ADGRL2: variants seen among roughly 807,000 people sequenced by gnomAD.
The protein encoded by ADGRL2 is adhesion G protein-coupled receptor L2, also known as calcium-independent alpha-latrotoxin receptor 2.
ADGRL2 carries 44 observed loss-of-function variants against 157.4 expected under a neutral mutation model. The observed-to-expected ratio is 0.28, with a 90% CI of 0.22 to 0.36. The LOEUF (loss-of-function observed/expected upper bound fraction) is 0.36, where lower values mean the gene tolerates loss of function less well. Ranked by LOEUF, ADGRL2 falls within the 10% of genes least tolerant of loss-of-function variation. ADGRL2 has a pLI of 1.00. For synonymous variants in ADGRL2, 585 were observed against 624.7 expected (o/e 0.94, Z 0.95); for missense variants, 1,510 against 1,768.9 (o/e 0.85, Z 2.63).
intron 11 of ADGRL2, among the ~76,000 whole-genome samples, chr1:81,959,076 AT>A (rs1654512627): frequency 6.6e-6 from 1 of 152,006 alleles, no homozygotes; most frequent in East Asian, 1.9e-4. Flanking sequence ...TTTGGCTGCC[AT>A]TTTTGGCTGC....
At chr1:81,475,202 T>C (rs1260114116) in intron 2 of ADGRL2, among the ~76,000 whole-genome samples, 1 of 152,146 alleles carries the variant, frequency 6.6e-6, no homozygotes, top group Non-Finnish European at 1.5e-5. Flanking sequence ...ATCTAAACAC[T>C]TTCTGAAAAT....
At chr1:81,435,385 C>T (rs917208210) in intron 1 of ADGRL2, among the ~76,000 whole-genome samples, 1 of 152,140 alleles carries the variant, frequency 6.6e-6, no homozygotes, top group Non-Finnish European at 1.5e-5. Context: ...AGGGGAATTC[C>T]CCCACCTCCA....
intron 2 of ADGRL2, among the ~76,000 whole-genome samples, chr1:81,537,993 C>T (rs993286263): frequency 2.0e-5 from 3 of 152,290 alleles, no homozygotes; most frequent in Admixed American, 1.3e-4. Flanking sequence ...AGCCACCATG[C>T]CCGGCCGTGT....
intron 1 of ADGRL2, among the ~76,000 whole-genome samples, chr1:81,310,897 T>G (rs1227288851): frequency 1.3e-5 from 2 of 150,602 alleles, no homozygotes; most frequent in East Asian, 3.9e-4. Context: ...CAGAGGATGG[T>G]GATTTTGAGT....
chr1:81,529,283 T>A (rs143320997), intron 2 of ADGRL2, among the ~76,000 whole-genome samples: 65 of 152,296 alleles, frequency 4.3e-4, no homozygotes, highest in Non-Finnish European at 6.9e-4. Flanking sequence ...AGGGAGGAAC[T>A]GATTTGGGAG....
chr1:81,544,770 A>T (rs2148347153), intron 2 of ADGRL2, among the ~76,000 whole-genome samples: 1 of 152,342 alleles, frequency 6.6e-6, no homozygotes, highest in Non-Finnish European at 1.5e-5. Flanking sequence ...CATGGTAAAC[A>T]ATAGTGAGCC....
intron 3 of ADGRL2, among the ~76,000 whole-genome samples, chr1:81,615,859 G>A (rs2081635017): frequency 6.6e-6 from 1 of 152,206 alleles, no homozygotes; most frequent in Admixed American, 6.5e-5. Flanking sequence ...AGTGCTTACA[G>A]TTTTTTATAC....
intron 1 of ADGRL2, among the ~76,000 whole-genome samples, chr1:81,370,909 CT>C (rs894336045): frequency 5.3e-5 from 8 of 152,092 alleles, no homozygotes; most frequent in African/African-American, 1.9e-4. Flanking sequence ...TAGGCCTTTC[CT>C]TTGAAAACTT....
At chr1:81,675,837 C>A (rs9662467) in intron 3 of ADGRL2, among the ~76,000 whole-genome samples, 38,053 of 151,874 alleles carry the variant, frequency 0.25, 4,762 homozygotes, top group Admixed American at 0.35. Flanking sequence ...GCCTTGGACT[C>A]TCAAAGTGCT....
intron 1 of ADGRL2, among the ~76,000 whole-genome samples, chr1:81,710,354 G>A (rs1357050207): frequency 6.6e-6 from 1 of 152,030 alleles, no homozygotes; most frequent in Non-Finnish European, 1.5e-5. Context: ...GTGAGGCATG[G>A]TGGCTCATGC....
At chr1:81,455,378 C>G (rs1025705263) in intron 2 of ADGRL2, among the ~76,000 whole-genome samples, 4 of 152,164 alleles carry the variant, frequency 2.6e-5, no homozygotes, top group Non-Finnish European at 4.4e-5. Context: ...GAATTCTATT[C>G]CACCTCCAAC....
chr1:81,437,733 C>T (rs1337939889), intron 1 of ADGRL2, among the ~76,000 whole-genome samples: 1 of 152,152 alleles, frequency 6.6e-6, no homozygotes, highest in Non-Finnish European at 1.5e-5. Flanking sequence ...AGTCTGAGAG[C>T]TTAAGCTGTT....
chr1:81,991,488 A>C lies in ADGRL2; in HGVS notation c.*343A>C. On this transcript the variant is annotated 3_prime_UTR_variant, in exon 24 of 24. Coordinates refer to ENST00000686636, the MANE Select transcript of ADGRL2 (RefSeq NM_001366006.2). ...AGCAGTCTGTGAACTAAATTTGTAA[A>C]TATGGCTGCACCATTTTTGTAGGCC... The C allele has an allele frequency of 5.4e-6, 1 of 186,820 alleles. No individual in the cohort carries two copies. The highest frequency in any genetic ancestry group is 1.1e-5 in the Non-Finnish European group (1 of 87,502). 11.6% of individuals were successfully genotyped at this position (186,820 alleles called of 1,614,324 possible). A position where few individuals can be genotyped will look rare whatever the true frequency, so the allele number is the denominator to read the frequency against.
chr1:81,378,360 A>G (rs571240402), intron 1 of ADGRL2, among the ~76,000 whole-genome samples: 2 of 152,026 alleles, frequency 1.3e-5, no homozygotes, highest in Admixed American at 6.6e-5. Context: ...AGACCAGCCT[A>G]GGCAACATAA....
intron 2 of ADGRL2, among the ~76,000 whole-genome samples, chr1:81,492,179 T>C (rs778764244): frequency 2.0e-4 from 30 of 152,216 alleles, no homozygotes; most frequent in Non-Finnish European, 4.1e-4. Flanking sequence ...CATCCTTTTT[T>C]CAGTCTAACA....
At chr1:81,404,246 G>C (rs111648119) in intron 1 of ADGRL2, among the ~76,000 whole-genome samples, 94 of 152,218 alleles carry the variant, frequency 6.2e-4, no homozygotes, top group South Asian at 2.7e-3. Flanking sequence ...TATGATCTTA[G>C]GCAAGGTAAT....
At chr1:81,637,208 A>G (rs17456975) in intron 3 of ADGRL2, among the ~76,000 whole-genome samples, 19,204 of 152,108 alleles carry the variant, frequency 0.13, 1,645 homozygotes, top group Non-Finnish European at 0.18. Context: ...TTCCAACCCT[A>G]AGCACATTTC....
chr1:81,898,993 C>T (rs1020069312), intron 2 of ADGRL2, among the ~76,000 whole-genome samples: 2 of 152,044 alleles, frequency 1.3e-5, no homozygotes, highest in African/African-American at 2.4e-5. Context: ...CATAGAGGTC[C>T]CTGATAATCA....
chr1:81,747,232 TAC>T (rs1188921251), intron 1 of ADGRL2, among the ~76,000 whole-genome samples: 91 of 147,088 alleles, frequency 6.2e-4, no homozygotes, highest in African/African-American at 2.2e-3. Context: ...TATGTATATA[TAC>T]ATATATATGT....
Sources: allele counts gnomAD v4.1 joint callset (sites outside exome capture counted in the v4.1 genomes callset), GRCh38; gene constraint gnomAD v4.1.1; transcripts MANE v1.5; gene names NCBI Gene and HGNC (gene_info 2026-07-23, HGNC 2026-07-21).